SMIM14: variants seen among roughly 807,000 people sequenced by gnomAD.
The protein encoded by SMIM14 is chromosome 4 open reading frame 34.
In SMIM14, 5 loss-of-function variants were observed where a neutral mutation model predicts 12.6. That is an observed-to-expected ratio of 0.40 (90% confidence interval 0.21 to 0.83). SMIM14 has a LOEUF of 0.83. Ranked by LOEUF, SMIM14 falls within the 40% of genes least tolerant of loss-of-function variation. The pLI, the probability that SMIM14 is intolerant of heterozygous loss-of-function variation, is 0.37. For missense variants in SMIM14, 86 were observed against 119.1 expected, an observed-to-expected ratio of 0.72 and a Z score of 1.29; for synonymous variants, 30 against 40.1, an observed-to-expected ratio of 0.75 and a Z score of 0.95.
intron 1 of SMIM14, among the ~76,000 whole-genome samples, chr4:39,622,512 T>C (rs1400738166): frequency 6.6e-6 from 1 of 152,248 alleles, no homozygotes. Flanking sequence ...GTGATTCTCC[T>C]GCCCCAGCCT....
intron 2 of SMIM14, among the ~76,000 whole-genome samples, chr4:39,591,574 T>A (rs1714082023): frequency 6.6e-6 from 1 of 152,106 alleles, no homozygotes; most frequent in South Asian, 2.1e-4. Context: ...TACTTTTTTT[T>A]TGAGACAGTC....
At chr4:39,563,174 C>T (rs1198901135) in intron 3 of SMIM14, among the ~76,000 whole-genome samples, 1 of 152,106 alleles carries the variant, frequency 6.6e-6, no homozygotes, top group Non-Finnish European at 1.5e-5. Context: ...GATTCTCATG[C>T]CTCAGCCTCC....
At chr4:39,619,728 T>TTA (rs1182097542) in intron 1 of SMIM14, among the ~76,000 whole-genome samples, 2 of 112,830 alleles carry the variant, frequency 1.8e-5, no homozygotes, top group African/African-American at 6.7e-5. Flanking sequence ...ATAAATATAA[T>TTA]TATATATATC....
Position 39,604,003 on chromosome 4 carries a change from A to G in SMIM14, c.75+1068T>C, listed in dbSNP as rs1009688008. ...TCCAGCCTGGGTGGCAGAGTGAGAC[A>G]CTGTCTCAAAAAAAAAAAAAAAAGA... is the stretch of plus-strand genomic sequence containing the variant. On this transcript the variant is annotated intron_variant, in intron 2 of 4. Transcript: ENST00000295958. Among the ~76,000 whole-genome samples the G allele has an allele frequency of 2.9e-5, 4 of 140,054 alleles. No homozygotes were observed. In the South Asian group the frequency reaches 9.5e-4, roughly 33 times the overall value. 91.9% of individuals were successfully genotyped at this position (140,054 alleles called of 152,430 possible).
At chr4:39,586,565 A>G (rs1713793327) in intron 2 of SMIM14, among the ~76,000 whole-genome samples, 1 of 151,926 alleles carries the variant, frequency 6.6e-6, no homozygotes, top group Non-Finnish European at 1.5e-5. Context: ...TTGCTCTACC[A>G]TTCTCCTCTC....
chr4:39,579,864 A>C (rs554071962), intron 2 of SMIM14, among the ~76,000 whole-genome samples: 82 of 151,780 alleles, frequency 5.4e-4, no homozygotes, highest in African/African-American at 1.7e-3. Context: ...AAAAAGAAAG[A>C]AAGCCTTGGC....
chr4:39,612,349 G>A (rs906379533), intron 1 of SMIM14, among the ~76,000 whole-genome samples: 5 of 151,958 alleles, frequency 3.3e-5, no homozygotes, highest in African/African-American at 1.2e-4. Context: ...CTACCTCCCA[G>A]GTTCAAGCAA....
intron 1 of SMIM14, among the ~76,000 whole-genome samples, chr4:39,606,738 A>G (rs1476895487): frequency 6.6e-6 from 1 of 152,038 alleles, no homozygotes. Context: ...TCACTGGCCC[A>G]GTTTACTGCC....
intron 1 of SMIM14, among the ~76,000 whole-genome samples, chr4:39,605,810 AGC>A (rs1255030349): frequency 1.3e-5 from 2 of 152,168 alleles, no homozygotes; most frequent in Non-Finnish European, 2.9e-5. Flanking sequence ...ATACGATCTC[AGC>A]TCACTGCAAC....
chr4:39,634,504 T>C (rs1716021930), intron 1 of SMIM14, among the ~76,000 whole-genome samples: 1 of 152,230 alleles, frequency 6.6e-6, no homozygotes, highest in Non-Finnish European at 1.5e-5. Context: ...CATATCTGAG[T>C]TGCTTTGCAG....
intron 2 of SMIM14, chr4:39,594,635 A>C (rs1714274929): frequency 1.3e-5 from 2 of 148,582 alleles, no homozygotes; most frequent in African/African-American, 5.0e-5. Context: ...AATGGGAGAA[A>C]ATTTTTGCAA....
intron 1 of SMIM14, among the ~76,000 whole-genome samples, chr4:39,637,923 C>T (rs1382775487): frequency 1.1e-4 from 16 of 152,134 alleles, no homozygotes. Flanking sequence ...GAAGCTCATC[C>T]GACTCTCTCG....
chr4:39,632,654 C>T (rs980472365), intron 1 of SMIM14, among the ~76,000 whole-genome samples: 4 of 151,198 alleles, frequency 2.6e-5, no homozygotes, highest in African/African-American at 7.3e-5. Context: ...ATTAGCCAGG[C>T]GTGGTCTCAG....
chr4:39,572,443 G>T lies in SMIM14; in HGVS notation c.96C>A (p.Tyr32Ter). 6.2e-7 allele frequency: 1 copy of T among 1,611,444 alleles called. No individual in the cohort carries two copies. Among genetic ancestry groups the T allele is most frequent in the East Asian group, 2.2e-5 (1 of 44,724 alleles). ...LINLLRQSQSYCTDTECLQEL... is the reference protein window; with the variant it reads ...LINLLRQSQS ...CCTGAAGACACTCTGTGTCTGTGCA[G>T]TAGGACTGGGACTGCCGTAACTACA... The change falls in exon 3 of 5, where the codon TAC (tyrosine) becomes TAA (stop). Residue 32 changes from tyrosine to a stop codon, truncating the protein, a stop_gained. Transcript: ENST00000295958. LOFTEE classifies it high-confidence loss of function.
intron 1 of SMIM14, among the ~76,000 whole-genome samples, chr4:39,608,141 C>T (rs777187019): frequency 6.6e-6 from 1 of 152,166 alleles, no homozygotes; most frequent in Non-Finnish European, 1.5e-5. Flanking sequence ...TAAGACTCAA[C>T]AATTCTACTC....
At chr4:39,620,138 C>G (rs1715425734) in intron 1 of SMIM14, among the ~76,000 whole-genome samples, 1 of 146,728 alleles carries the variant, frequency 6.8e-6, no homozygotes, top group Non-Finnish European at 1.5e-5. Context: ...CCCAAGAGTT[C>G]AAGACTGGTC....
chr4:39,628,961 T>G (rs1054814083), intron 1 of SMIM14, among the ~76,000 whole-genome samples: 5 of 150,890 alleles, frequency 3.3e-5, no homozygotes, highest in African/African-American at 1.2e-4. Context: ...TCGAACTCCT[T>G]ACTTCAGATG....
At position 39,605,052 on chromosome 4, in the gene SMIM14, T is replaced by C; in HGVS notation, c.75+19A>G. 1.4e-6 allele frequency: 2 copies of C among 1,457,296 alleles called. No homozygotes were observed. The highest frequency in any genetic ancestry group is 1.9e-6 in the Non-Finnish European group (2 of 1,042,450). 90.3% of individuals were successfully genotyped at this position (1,457,296 alleles called of 1,614,324 possible). A position where few individuals can be genotyped will look rare whatever the true frequency, so the allele number is the denominator to read the frequency against. On this transcript the variant is annotated intron_variant, in intron 2 of 4. Transcript: ENST00000295958. ...GGATACAGATCAGTTCAGAATAGGA[T>C]TGTCCTGTTGCATCTCACCAGATTG...
chr4:39,620,126 A>T (rs1227191697), intron 1 of SMIM14, among the ~76,000 whole-genome samples: 1 of 149,984 alleles, frequency 6.7e-6, no homozygotes, highest in African/African-American at 2.5e-5. Context: ...GGACTGCTTG[A>T]GCCCAAGAGT....
Sources: gnomAD v4.1 joint callset for allele counts (sites outside exome capture counted in the v4.1 genomes callset) on GRCh38, gnomAD v4.1.1 for gene constraint, MANE v1.5 for transcripts, NCBI Gene and HGNC (gene_info 2026-07-23, HGNC 2026-07-21) for gene names.